Variants in INPP4B observed in about 807,000 individuals in gnomAD.
INPP4B encodes inositol polyphosphate-4-phosphatase type II B, also known as inositol polyphosphate 4-phosphatase type II.
INPP4B carries 55 observed loss-of-function variants against 122.5 expected under a neutral mutation model. The observed-to-expected ratio is 0.45, with a 90% CI of 0.36 to 0.56. The LOEUF (loss-of-function observed/expected upper bound fraction) is 0.56. Ranked by LOEUF, INPP4B falls within the 20% of genes least tolerant of loss-of-function variation. INPP4B has a pLI of 0.00. For synonymous variants in INPP4B, 403 were observed against 388.7 expected, an observed-to-expected ratio of 1.04 and a Z score of -0.43; for missense variants, 1,000 against 1,097.7, an observed-to-expected ratio of 0.91 and a Z score of 1.26.
rs145838061 is a variant in INPP4B, at chr4:142,655,665, A to G, written c.-191+70174T>C. On this transcript the variant is annotated intron_variant, in intron 2 of 25. Transcript: ENST00000262992. ...ATGAATGGCATAATTATCTGAGTAT[A>G]AAAAAATTGGAATCTGTGGCAACAT... is the stretch of plus-strand genomic sequence containing the variant. 2.7e-3 allele frequency among the ~76,000 whole-genome samples: 404 copies of G among 152,322 alleles called. 6 individuals are homozygous for G. Among genetic ancestry groups the G allele is most frequent in the East Asian group, 0.018 (94 of 5,186 alleles).
At chr4:142,396,363 G>A (rs1389831443) in intron 7 of INPP4B, among the ~76,000 whole-genome samples, 2 of 151,878 alleles carry the variant, frequency 1.3e-5, no homozygotes, top group Non-Finnish European at 2.9e-5. Context: ...ACAGGAAAAC[G>A]TGCTCAACAT....
intron 2 of INPP4B, among the ~76,000 whole-genome samples, chr4:142,699,968 A>G (rs1239370244): frequency 1.3e-5 from 2 of 152,054 alleles, no homozygotes. Context: ...CTTTTTCATC[A>G]GCATACAAAC....
intron 10 of INPP4B, among the ~76,000 whole-genome samples, chr4:142,267,452 A>T (rs1743367488): frequency 6.6e-6 from 1 of 152,224 alleles, no homozygotes; most frequent in Non-Finnish European, 1.5e-5. Context: ...TACCAAAAAC[A>T]CAGAATGGAG....
At chr4:142,099,169 G>A (rs1354459235) in intron 23 of INPP4B, among the ~76,000 whole-genome samples, 2 of 152,094 alleles carry the variant, frequency 1.3e-5, no homozygotes, top group Non-Finnish European at 2.9e-5. Context: ...ACTGGAATGA[G>A]TTTAGGTGAA....
intron 1 of INPP4B, among the ~76,000 whole-genome samples, chr4:142,777,208 G>T (rs76185291): frequency 0.081 from 12,309 of 152,146 alleles, 585 homozygotes; most frequent in Middle Eastern, 0.13. Flanking sequence ...GACCTTGGCA[G>T]GAACTCCTCC....
At chr4:142,729,239 C>T (rs890042241) in intron 1 of INPP4B, among the ~76,000 whole-genome samples, 4 of 152,130 alleles carry the variant, frequency 2.6e-5, no homozygotes, top group East Asian at 1.9e-4. Flanking sequence ...CTGTGTGGCC[C>T]GGTTTCTAAC....
At chr4:142,328,689 A>T (rs968479470) in intron 7 of INPP4B, among the ~76,000 whole-genome samples, 7 of 152,174 alleles carry the variant, frequency 4.6e-5, no homozygotes, top group Non-Finnish European at 4.4e-5. Context: ...TTTAACATAT[A>T]ATGAGTTTAT....
chr4:142,412,439 C>T (rs2149252599), intron 5 of INPP4B, among the ~76,000 whole-genome samples: 1 of 152,228 alleles, frequency 6.6e-6, no homozygotes, highest in South Asian at 2.1e-4. Context: ...TGAGTACATT[C>T]AGAAGAGGAT....
chr4:142,774,295 G>A (rs1346962887), intron 1 of INPP4B, among the ~76,000 whole-genome samples: 4 of 152,022 alleles, frequency 2.6e-5, no homozygotes, highest in Admixed American at 6.6e-5. Context: ...AGACACCTTC[G>A]GGCTTATTCT....
chr4:142,303,687 T>G (rs974315687), intron 9 of INPP4B, among the ~76,000 whole-genome samples: 5 of 152,118 alleles, frequency 3.3e-5, no homozygotes, highest in Admixed American at 1.3e-4. Context: ...CCTAGCCATT[T>G]CAGAATTGGT....
intron 2 of INPP4B, among the ~76,000 whole-genome samples, chr4:142,599,213 T>C (rs144498604): frequency 1.2e-4 from 19 of 152,172 alleles, no homozygotes; most frequent in Non-Finnish European, 2.2e-4. Flanking sequence ...CTGCTGCCAC[T>C]ACTGAAATCC....
chr4:142,566,326 G>T (rs184522562), intron 2 of INPP4B: 11 of 152,248 alleles, frequency 7.2e-5, no homozygotes, highest in Admixed American at 7.2e-4. Context: ...TGGAGAAAAG[G>T]AAAGTTAACA....
At chr4:142,130,880 C>A (rs1424812322) in intron 18 of INPP4B, among the ~76,000 whole-genome samples, 1 of 152,188 alleles carries the variant, frequency 6.6e-6, no homozygotes, top group African/African-American at 2.4e-5. Flanking sequence ...AGCCTGAGAA[C>A]ACAGTGTCAT....
intron 8 of INPP4B, chr4:142,305,755 A>G: frequency 1.5e-6 from 2 of 1,373,866 alleles, no homozygotes; most frequent in Non-Finnish European, 1.9e-6. Flanking sequence ...AAGAAAAGAG[A>G]CCAACAGGCT....
rs1046235493 is a variant in INPP4B at position 142,344,977 on chromosome 4, T to C, written c.373-30215A>G. ...TTTTCTCTAAATGAATACCTTAAAA[T>C]AATACATTGTTCTCTTGGTTTTCTA... On this transcript the variant is annotated intron_variant, in intron 7 of 25. Coordinates refer to ENST00000262992, the MANE Select transcript of INPP4B (RefSeq NM_001101669.3). Among the ~76,000 whole-genome samples, 9 of 152,158 alleles carry C rather than the reference T, an allele frequency of 5.9e-5. No homozygotes were observed. In the East Asian group the frequency reaches 1.7e-3, roughly 29 times the overall value.
intron 2 of INPP4B, among the ~76,000 whole-genome samples, chr4:142,496,475 C>T (rs1822581529): frequency 6.6e-6 from 1 of 152,028 alleles, no homozygotes; most frequent in Non-Finnish European, 1.5e-5. Context: ...ATATTTTTAT[C>T]TTTAGTAGCT....
chr4:142,537,701 G>T (rs7677992), intron 2 of INPP4B, among the ~76,000 whole-genome samples: 7 of 150,028 alleles, frequency 4.7e-5, no homozygotes, highest in African/African-American at 1.7e-4. Context: ...TAAACACTTT[G>T]CTTATATATG....
chr4:142,624,161 T>A (rs1361757946), intron 2 of INPP4B, among the ~76,000 whole-genome samples: 1 of 151,800 alleles, frequency 6.6e-6, no homozygotes. Context: ...TCCACAATGG[T>A]TGAACTAGTT....
intron 2 of INPP4B, chr4:142,474,476 C>T (rs1560699469): frequency 6.6e-6 from 1 of 151,784 alleles, no homozygotes; most frequent in Non-Finnish European, 1.5e-5. Context: ...TAGGTGACCA[C>T]AGGGTGAGTA....
Sources: allele counts gnomAD v4.1 joint callset (sites outside exome capture counted in the v4.1 genomes callset), GRCh38; gene constraint gnomAD v4.1.1; transcripts MANE v1.5; gene names NCBI Gene and HGNC (gene_info 2026-07-23, HGNC 2026-07-21).